KCNS3: variants seen among roughly 807,000 people sequenced by gnomAD.
KCNS3 encodes the protein delayed-rectifier potassium channel regulatory subunit KCNS3.
KCNS3 carries 13 observed loss-of-function variants against 31.0 expected under a neutral mutation model. That is an observed-to-expected ratio of 0.42 (90% confidence interval 0.27 to 0.67). The LOEUF (loss-of-function observed/expected upper bound fraction) is 0.67, where lower values mean the gene tolerates loss of function less well. Ranked by LOEUF, KCNS3 falls within the 30% of genes least tolerant of loss-of-function variation. KCNS3 has a pLI of 0.25. For missense variants in KCNS3, 545 were observed against 622.4 expected, an observed-to-expected ratio of 0.88 and a Z score of 1.32; for synonymous variants, 238 against 241.5, an observed-to-expected ratio of 0.99 and a Z score of 0.13.
chr2:17,901,640 G>A (rs1364910182), intron 1 of KCNS3, among the ~76,000 whole-genome samples: 2 of 152,114 alleles, frequency 1.3e-5, no homozygotes, highest in Non-Finnish European at 2.9e-5. Flanking sequence ...ATTGGCTGAT[G>A]AGAAGAGCAG....
rs140183395 is a variant in KCNS3, at chr2:17,920,191, A to G, written c.-60+2320A>G. On this transcript the variant is annotated intron_variant, in intron 2 of 2. Coordinates refer to ENST00000304101, the MANE Select transcript of KCNS3 (RefSeq NM_002252.5). Reference sequence around the variant, plus strand: ...GATTAATGTAGATTTTTGGACATCTACAAAACAAGAAGGAAAAACAAATCT... The same window carrying G: ...GATTAATGTAGATTTTTGGACATCTGCAAAACAAGAAGGAAAAACAAATCT... Among the ~76,000 whole-genome samples the G allele has an allele frequency of 1.4e-3, 208 of 152,344 alleles. 2 individuals carry two copies. The highest frequency in any genetic ancestry group is 2.2e-3 in the Non-Finnish European group (147 of 68,018).
chr2:17,924,031 AT>A (rs1437672228), intron 2 of KCNS3, among the ~76,000 whole-genome samples: 4 of 151,682 alleles, frequency 2.6e-5, no homozygotes, highest in Non-Finnish European at 5.9e-5. Flanking sequence ...TTCTTCCATA[AT>A]TTTTTCAACA....
At chr2:17,919,903 G>A (rs1662674481) in intron 2 of KCNS3, among the ~76,000 whole-genome samples, 1 of 152,170 alleles carries the variant, frequency 6.6e-6, no homozygotes, top group Non-Finnish European at 1.5e-5. Flanking sequence ...GAGGCACCTG[G>A]TAGGAGGTTG....
chr2:17,885,801 A>G (rs1056429181), intron 1 of KCNS3, among the ~76,000 whole-genome samples: 1 of 152,192 alleles, frequency 6.6e-6, no homozygotes, highest in African/African-American at 2.4e-5. Flanking sequence ...ATAATGTTTG[A>G]CCAAATGTCT....
chr2:17,932,137 C>A lies in KCNS3; in HGVS notation c.1129C>A (p.His377Asn). 1.2e-6 allele frequency: 2 copies of A among 1,614,118 alleles called. No individual in the cohort carries two copies. Among genetic ancestry groups the A allele is most frequent in the Non-Finnish European group, 1.7e-6 (2 of 1,180,014 alleles). The change falls in exon 3 of 3, where the codon CAC becomes AAC. Residue 377 changes from histidine to asparagine, a missense_variant. His to Asn is a moderately conservative substitution (Grantham distance 68). Transcript: ENST00000304101. Reference sequence around the variant, plus strand: ...GACAACTGTGGGCTATGGAGACACCCACCCGGTCACCTTGGCGGGAAAGCT... The same window carrying A: ...GACAACTGTGGGCTATGGAGACACCAACCCGGTCACCTTGGCGGGAAAGCT... ...SMTTVGYGDT[H>N]PVTLAGKLIA...
At chr2:17,907,007 A>G (rs940158242) in intron 1 of KCNS3, among the ~76,000 whole-genome samples, 31 of 152,016 alleles carry the variant, frequency 2.0e-4, no homozygotes, top group African/African-American at 7.0e-4. Context: ...CAATTCCTGG[A>G]TATCCTTGTT....
chr2:17,910,632 CT>C (rs767830614), intron 1 of KCNS3, among the ~76,000 whole-genome samples: 227 of 143,820 alleles, frequency 1.6e-3, no homozygotes, highest in East Asian at 2.0e-3. Flanking sequence ...GAAGTGTCTA[CT>C]TTTTTTTTTT....
At chr2:17,888,657 A>ATATATATC (rs1661762283) in intron 1 of KCNS3, among the ~76,000 whole-genome samples, 1 of 137,178 alleles carries the variant, frequency 7.3e-6, no homozygotes, top group African/African-American at 2.7e-5. Flanking sequence ...ATATATATAT[A>ATATATATC]TATATATATA....
At chr2:17,899,949 C>T (rs578011396) in intron 1 of KCNS3, among the ~76,000 whole-genome samples, 3 of 152,300 alleles carry the variant, frequency 2.0e-5, no homozygotes, top group South Asian at 2.1e-4. Flanking sequence ...CATGAGCCTG[C>T]TGTGTCAGGA....
intron 1 of KCNS3, among the ~76,000 whole-genome samples, chr2:17,900,234 G>A (rs1662140023): frequency 6.6e-6 from 1 of 152,214 alleles, no homozygotes; most frequent in Non-Finnish European, 1.5e-5. Flanking sequence ...CCTTTGCAGA[G>A]CTCACGGTGC....
At chr2:17,908,808 C>G (rs551317341) in intron 1 of KCNS3, among the ~76,000 whole-genome samples, 1 of 152,196 alleles carries the variant, frequency 6.6e-6, no homozygotes, top group Non-Finnish European at 1.5e-5. Context: ...GCTGCCTGAT[C>G]GTTCCTCTGG....
intron 1 of KCNS3, among the ~76,000 whole-genome samples, chr2:17,894,658 T>A (rs1661980084): frequency 6.6e-6 from 1 of 152,144 alleles, no homozygotes; most frequent in African/African-American, 2.4e-5. Flanking sequence ...TGGGGTTTGT[T>A]TTTCCCAAGT....
rs375479088 is a variant in KCNS3, at chr2:17,931,233, G to T, written c.225G>T (p.Leu75Phe). The change falls in exon 3 of 3, where the codon TTG becomes TTT. Residue 75 changes from leucine to phenylalanine, a missense_variant. Leu to Phe is a conservative substitution (Grantham distance 22). Transcript: ENST00000304101. This position sits in a 1 kb window ranked among gnomAD's most constrained non-coding sequence, Gnocchi z 5.4. ...ACTACTTTGATCGGAATCCCTCCTT[G>T]TTCAGATATGTTTTGAATTTTTATT... is the stretch of plus-strand genomic sequence containing the variant. ...KEYYFDRNPS[L>F]FRYVLNFYYT... 1.5e-4 allele frequency: 238 copies of T among 1,613,986 alleles called. No homozygotes were observed. The highest frequency in any genetic ancestry group is 2.0e-4 in the Non-Finnish European group (237 of 1,180,016).
chr2:17,884,515 G>C lies in KCNS3; in HGVS notation c.-252+5709G>C, dbSNP rs771238333. On this transcript the variant is annotated intron_variant, in intron 1 of 2. Transcript: ENST00000304101. ...TACAAGCATGGGAAGCAGAAGCCTC[G>C]TTTGGAGGTGTGTTGTGTGTTGCAG... Among the ~76,000 whole-genome samples the C allele has an allele frequency of 2.9e-4, 44 of 152,018 alleles. 1 individual carries two copies. Among genetic ancestry groups the C allele is most frequent in the Non-Finnish European group, 7.4e-5 (5 of 67,990 alleles).
intron 1 of KCNS3, among the ~76,000 whole-genome samples, chr2:17,887,861 G>A (rs1340700685): frequency 6.6e-6 from 1 of 152,094 alleles, no homozygotes; most frequent in Non-Finnish European, 1.5e-5. Context: ...TTTTATTATG[G>A]CCATTCTTGC....
intron 1 of KCNS3, among the ~76,000 whole-genome samples, chr2:17,886,320 C>T (rs1661653464): frequency 6.6e-6 from 1 of 152,080 alleles, no homozygotes; most frequent in Non-Finnish European, 1.5e-5. Flanking sequence ...ATGTAACTGG[C>T]CAAAGAGATG....
intron 1 of KCNS3, among the ~76,000 whole-genome samples, chr2:17,906,794 T>C (rs1250871058): frequency 6.6e-6 from 1 of 152,228 alleles, no homozygotes; most frequent in Non-Finnish European, 1.5e-5. Flanking sequence ...AATCCTGAGT[T>C]CTAGTTTGAT....
chr2:17,902,509 A>G (rs1265684215), intron 1 of KCNS3, among the ~76,000 whole-genome samples: 1 of 152,196 alleles, frequency 6.6e-6, no homozygotes, highest in Non-Finnish European at 1.5e-5. Flanking sequence ...GATTATTCTA[A>G]AACTGGTGGT....
intron 1 of KCNS3, among the ~76,000 whole-genome samples, chr2:17,906,750 TC>T (rs1268079845): frequency 6.6e-6 from 1 of 152,198 alleles, no homozygotes; most frequent in Non-Finnish European, 1.5e-5. Context: ...TTGTTCAGTT[TC>T]CATGTAGTTG....
Sources: gnomAD v4.1 joint callset for allele counts (sites outside exome capture counted in the v4.1 genomes callset) on GRCh38, gnomAD v4.1.1 for gene constraint, Gnocchi (gnomAD v3.1) non-coding constraint, MANE v1.5 for transcripts, NCBI Gene and HGNC (gene_info 2026-07-23, HGNC 2026-07-21) for gene names.